Variants in NRXN3 observed in about 807,000 individuals in gnomAD.
The protein encoded by NRXN3 is neurexin 3, also known as neurexin III.
In NRXN3, 32 loss-of-function variants were observed where a neutral mutation model predicts 137.6. That is an observed-to-expected ratio of 0.23 (90% CI 0.18 to 0.31). NRXN3 has a LOEUF of 0.31. NRXN3 is among the 10% of genes least tolerant of loss of function. The pLI is 1.00. For missense variants in NRXN3, 1,574 were observed against 2,062.5 expected (o/e 0.76, Z 4.59); for synonymous variants, 798 against 784.5 (o/e 1.02, Z -0.29).
intron 16 of NRXN3, among the ~76,000 whole-genome samples, chr14:79,498,267 A>C (rs1168467391): frequency 1.3e-5 from 2 of 152,166 alleles, no homozygotes; most frequent in Non-Finnish European, 2.9e-5. Context: ...CTTCTGTGTT[A>C]TTATTGCACA....
chr14:78,252,536 A>C (rs748529396), intron 2 of NRXN3, among the ~76,000 whole-genome samples: 1 of 152,170 alleles, frequency 6.6e-6, no homozygotes, highest in Admixed American at 6.5e-5. Context: ...TCTCGATGAG[A>C]TGCTATTCAT....
At chr14:79,768,690 A>C (rs1417172243) in intron 19 of NRXN3, among the ~76,000 whole-genome samples, 1 of 152,190 alleles carries the variant, frequency 6.6e-6, no homozygotes. Context: ...GAGCAGAAAA[A>C]CTGGAAACTC....
At chr14:78,721,704 C>A (rs1166728430) in intron 8 of NRXN3, among the ~76,000 whole-genome samples, 1 of 152,110 alleles carries the variant, frequency 6.6e-6, no homozygotes, top group Non-Finnish European at 1.5e-5. Context: ...ACGAATCGAA[C>A]CTTAGATTTC....
intron 15 of NRXN3, among the ~76,000 whole-genome samples, chr14:79,104,913 C>T (rs142554485): frequency 2.0e-5 from 3 of 151,282 alleles, no homozygotes; most frequent in Non-Finnish European, 2.9e-5. Context: ...GAGGAATTTA[C>T]TCATCAAGAT....
At chr14:78,351,578 A>T (rs1352434185) in intron 4 of NRXN3, among the ~76,000 whole-genome samples, 1 of 151,860 alleles carries the variant, frequency 6.6e-6, no homozygotes, top group Non-Finnish European at 1.5e-5. Context: ...GCAACTTTTT[A>T]TCTGGGTATT....
intron 10 of NRXN3, among the ~76,000 whole-genome samples, chr14:78,941,886 A>G (rs2152913491): frequency 6.6e-6 from 1 of 152,258 alleles, no homozygotes; most frequent in South Asian, 2.1e-4. Flanking sequence ...CAAGGACCCT[A>G]TTTCAGTGCT....
chr14:79,337,444 G>C (rs1002686463), intron 15 of NRXN3, among the ~76,000 whole-genome samples: 1 of 152,148 alleles, frequency 6.6e-6, no homozygotes, highest in African/African-American at 2.4e-5. Flanking sequence ...GCAGGAGCTG[G>C]TATATCTAAT....
At chr14:78,349,916 C>T (rs1391875316) in intron 4 of NRXN3, among the ~76,000 whole-genome samples, 3 of 152,296 alleles carry the variant, frequency 2.0e-5, no homozygotes, top group African/African-American at 7.2e-5. Context: ...CCTTAGGACA[C>T]CTAGCTCCTG....
At chr14:79,816,998 G>T (rs2099253491) in intron 20 of NRXN3, among the ~76,000 whole-genome samples, 1 of 152,142 alleles carries the variant, frequency 6.6e-6, no homozygotes, top group Non-Finnish European at 1.5e-5. Context: ...TAGATAATTT[G>T]ATTGGGTTTC....
intron 19 of NRXN3, among the ~76,000 whole-genome samples, chr14:79,741,929 A>G (rs974471767): frequency 2.0e-5 from 3 of 152,198 alleles, no homozygotes; most frequent in Non-Finnish European, 4.4e-5. Context: ...TTTGTTGTCT[A>G]GATATTATAA....
intron 15 of NRXN3, among the ~76,000 whole-genome samples, chr14:79,045,754 T>C (rs1341402123): frequency 6.6e-6 from 1 of 152,220 alleles, no homozygotes; most frequent in Non-Finnish European, 1.5e-5. Context: ...TCATGGATAC[T>C]ATTTGCCTCC....
intron 15 of NRXN3, among the ~76,000 whole-genome samples, chr14:79,006,636 T>A (rs1363546724): frequency 6.6e-6 from 1 of 152,166 alleles, no homozygotes; most frequent in South Asian, 2.1e-4. Context: ...TATTAGAGCC[T>A]CTTTTTCTAT....
intron 15 of NRXN3, among the ~76,000 whole-genome samples, chr14:79,305,879 A>G (rs906378635): frequency 1.2e-4 from 18 of 152,130 alleles, no homozygotes; most frequent in Non-Finnish European, 2.5e-4. Context: ...ATACAATCCT[A>G]ACAAATAAAG....
intron 8 of NRXN3, among the ~76,000 whole-genome samples, chr14:78,800,392 G>C (rs2098835174): frequency 2.0e-5 from 3 of 152,134 alleles, no homozygotes; most frequent in Admixed American, 2.0e-4. Flanking sequence ...CTCAATTTTA[G>C]GTATCATTAT....
At chr14:78,443,476 G>A (rs1411102774) in intron 4 of NRXN3, among the ~76,000 whole-genome samples, 4 of 152,140 alleles carry the variant, frequency 2.6e-5, no homozygotes, top group Non-Finnish European at 4.4e-5. Flanking sequence ...GGCCAGGAGG[G>A]TCCAGGGGAG....
At chr14:79,732,365 TTG>T (rs2098927106) in intron 19 of NRXN3, among the ~76,000 whole-genome samples, 1 of 152,164 alleles carries the variant, frequency 6.6e-6, no homozygotes, top group Non-Finnish European at 1.5e-5. Context: ...TTTTAAGTTC[TTG>T]TGTGTGTGAG....
At chr14:78,986,067 T>G (rs528223612) in intron 14 of NRXN3, among the ~76,000 whole-genome samples, 1 of 152,204 alleles carries the variant, frequency 6.6e-6, no homozygotes, top group Non-Finnish European at 1.5e-5. Flanking sequence ...CAAAATGCCT[T>G]GCCACCCAGA....
chr14:79,629,495 G>C (rs73327956), intron 16 of NRXN3, among the ~76,000 whole-genome samples: 1 of 151,952 alleles, frequency 6.6e-6, no homozygotes, highest in Admixed American at 6.6e-5. Flanking sequence ...GAGACTTTGC[G>C]TAGCCCTGGT....
At chr14:79,803,885 TAA>T (rs952528482) in intron 19 of NRXN3, among the ~76,000 whole-genome samples, 1 of 148,664 alleles carries the variant, frequency 6.7e-6, no homozygotes, top group African/African-American at 2.5e-5. Context: ...TAACTGTAAC[TAA>T]AAAGTGTGTG....
Sources: allele counts gnomAD v4.1 joint callset (sites outside exome capture counted in the v4.1 genomes callset), GRCh38; gene constraint gnomAD v4.1.1; transcripts MANE v1.5; gene names NCBI Gene and HGNC (gene_info 2026-07-23, HGNC 2026-07-21).